The following RGS6 variants were observed in gnomAD, a reference collection of about 807,000 sequenced individuals.
RGS6 encodes the protein regulator of G-protein signaling 6.
Under a neutral mutation model 78.5 loss-of-function variants are expected in RGS6, and 30 were observed. The ratio of observed to expected loss-of-function variants is 0.38; its 90% CI spans 0.29 to 0.52. The LOEUF (loss-of-function observed/expected upper bound fraction) is 0.52, where lower values mean the gene tolerates loss of function less well. Among genes scored for constraint, RGS6 ranks in the 20% least tolerant of loss-of-function variants. RGS6 has a pLI of 0.85. For missense variants in RGS6, 495 were observed against 609.7 expected (o/e 0.81, Z 1.98); for synonymous variants, 206 against 206.0 (o/e 1.00, Z 0.00).
chr14:72,526,798 T>C lies in RGS6; in HGVS notation c.1278+8261T>C, dbSNP rs557226893. ...TGTGGATGTCCATATTGTTGCGGTATCTTTTCTGTTGCCTCTTCTATGTTT... is the reference window on the plus strand; with the variant it reads ...TGTGGATGTCCATATTGTTGCGGTACCTTTTCTGTTGCCTCTTCTATGTTT... On this transcript the variant is annotated intron_variant, in intron 15 of 17. Transcript: ENST00000553525. Among the ~76,000 whole-genome samples the C allele has an allele frequency of 2.4e-4, 36 of 152,376 alleles. No homozygotes were observed. The South Asian group carries it at 7.5e-3, about 32-fold the overall frequency.
chr14:72,199,919 T>C (rs2041093346), intron 2 of RGS6, among the ~76,000 whole-genome samples: 1 of 152,240 alleles, frequency 6.6e-6, no homozygotes, highest in Admixed American at 6.5e-5. Flanking sequence ...GTGGCTGCTT[T>C]CACACTATAA....
chr14:72,005,789 T>A (rs1295045976), intron 2 of RGS6, among the ~76,000 whole-genome samples: 1 of 152,174 alleles, frequency 6.6e-6, no homozygotes, highest in Non-Finnish European at 1.5e-5. Context: ...GTGTTGAAAT[T>A]TTTGTATGCT....
At chr14:72,214,711 C>T (rs1285732876) in intron 2 of RGS6, among the ~76,000 whole-genome samples, 1 of 151,994 alleles carries the variant, frequency 6.6e-6, no homozygotes, top group Admixed American at 6.6e-5. Flanking sequence ...GTGGTCTTAG[C>T]TACTTGGGAG....
At chr14:71,879,039 T>TC in the RGS6 span, among the ~76,000 whole-genome samples, 2 of 151,812 alleles carry the variant, frequency 1.3e-5, no homozygotes, top group Non-Finnish European at 1.5e-5. Flanking sequence ...TTTTTTTTCT[T>TC]CCCCCCACAG....
chr14:72,471,182 TGAAAG>T (rs553104821), intron 8 of RGS6, among the ~76,000 whole-genome samples: 2 of 152,288 alleles, frequency 1.3e-5, no homozygotes, highest in African/African-American at 4.8e-5. Flanking sequence ...GGACAAGAGA[TGAAAG>T]GAAGAAAAAA....
At chr14:72,128,709 G>A (rs1476884044) in intron 2 of RGS6, among the ~76,000 whole-genome samples, 5 of 152,152 alleles carry the variant, frequency 3.3e-5, no homozygotes, top group Non-Finnish European at 4.4e-5. Flanking sequence ...GGTTATTGAC[G>A]GACGGTAGGA....
At chr14:72,559,538 T>TG (rs1471526815) in intron 17 of RGS6, among the ~76,000 whole-genome samples, 1 of 152,188 alleles carries the variant, frequency 6.6e-6, no homozygotes, top group Non-Finnish European at 1.5e-5. Context: ...TGAACCCTCA[T>TG]GACCTCCATC....
At chr14:72,145,538 G>A (rs1285476888) in intron 2 of RGS6, among the ~76,000 whole-genome samples, 1 of 152,164 alleles carries the variant, frequency 6.6e-6, no homozygotes, top group Non-Finnish European at 1.5e-5. Context: ...GAGCGTACTG[G>A]TTCCATCTCA....
intron 3 of RGS6, among the ~76,000 whole-genome samples, chr14:72,425,205 C>A (rs2094385066): frequency 6.6e-6 from 1 of 152,102 alleles, no homozygotes; most frequent in South Asian, 2.1e-4. Flanking sequence ...GTGGTACAAT[C>A]TTGACTCACT....
intron 2 of RGS6, among the ~76,000 whole-genome samples, chr14:72,306,375 C>T (rs1418982328): frequency 2.0e-5 from 3 of 152,256 alleles, no homozygotes; most frequent in East Asian, 3.9e-4. Context: ...CATTCTATAG[C>T]CCTGGAGCAA....
intron 3 of RGS6, among the ~76,000 whole-genome samples, chr14:72,370,508 C>T (rs973586624): frequency 6.6e-6 from 1 of 152,184 alleles, no homozygotes; most frequent in East Asian, 1.9e-4. Flanking sequence ...AAGGAGGCTA[C>T]ATCTTAACCG....
At chr14:72,182,744 T>G (rs1426473041) in intron 2 of RGS6, among the ~76,000 whole-genome samples, 1 of 152,188 alleles carries the variant, frequency 6.6e-6, no homozygotes, top group East Asian at 1.9e-4. Flanking sequence ...AGCAGCAAGT[T>G]TCTAGTAGGT....
At chr14:72,545,218 G>A (rs1005593645) in intron 17 of RGS6, among the ~76,000 whole-genome samples, 1 of 152,236 alleles carries the variant, frequency 6.6e-6, no homozygotes, top group Non-Finnish European at 1.5e-5. Context: ...ACAAACATTA[G>A]TGCCAGCCTC....
intron 2 of RGS6, among the ~76,000 whole-genome samples, chr14:72,024,155 C>T (rs1332900516): frequency 1.8e-5 from 2 of 113,594 alleles, no homozygotes; most frequent in Non-Finnish European, 3.8e-5. Context: ...TGTAATTCTG[C>T]CCTGTCATTT....
At chr14:72,107,410 C>CT (rs2095656006) in intron 2 of RGS6, among the ~76,000 whole-genome samples, 1 of 152,054 alleles carries the variant, frequency 6.6e-6, no homozygotes, top group Non-Finnish European at 1.5e-5. Flanking sequence ...TGATTCCTTC[C>CT]TTTTTTATTA....
chr14:72,255,611 C>T (rs2056908041), intron 2 of RGS6, among the ~76,000 whole-genome samples: 4 of 152,162 alleles, frequency 2.6e-5, no homozygotes, highest in Admixed American at 2.6e-4. Context: ...ATACCTCAGG[C>T]AGGCTTAAAA....
chr14:72,032,699 T>C (rs557528432), intron 2 of RGS6, among the ~76,000 whole-genome samples: 2 of 152,194 alleles, frequency 1.3e-5, no homozygotes, highest in Non-Finnish European at 1.5e-5. Flanking sequence ...ACTAGACTTA[T>C]GCAGTATTTG....
intron 2 of RGS6, among the ~76,000 whole-genome samples, chr14:72,102,504 C>A (rs1016479811): frequency 2.6e-5 from 4 of 152,100 alleles, no homozygotes; most frequent in African/African-American, 9.7e-5. Context: ...TAGATACTTT[C>A]TTTTAATCAC....
chr14:72,358,800 G>A lies in RGS6; in HGVS notation c.184+6606G>A, dbSNP rs572287728. ...AAGATTTTGGGGGACTGTTGGGAAGGCATCATTGTGTTTTGAAATGTGAGG... is the reference window on the plus strand; with the variant it reads ...AAGATTTTGGGGGACTGTTGGGAAGACATCATTGTGTTTTGAAATGTGAGG... On this transcript the variant is annotated intron_variant, in intron 3 of 17. Coordinates refer to ENST00000553525, the MANE Select transcript of RGS6 (RefSeq NM_001204424.2). 3.3e-5 allele frequency among the ~76,000 whole-genome samples: 5 copies of A among 152,298 alleles called. 1 individual carries two copies. The South Asian group carries it at 1.0e-3, about 32-fold the overall frequency.
Sources: gnomAD v4.1 joint callset for allele counts (sites outside exome capture counted in the v4.1 genomes callset) on GRCh38, gnomAD v4.1.1 for gene constraint, MANE v1.5 for transcripts, NCBI Gene and HGNC (gene_info 2026-07-23, HGNC 2026-07-21) for gene names.